ANKRD6: variants seen among roughly 807,000 people sequenced by gnomAD.
ANKRD6 encodes the protein ankyrin repeat domain-containing protein 6.
Under a neutral mutation model 82.3 loss-of-function variants are expected in ANKRD6, and 56 were observed. The ratio of observed to expected loss-of-function variants is 0.68; its 90% confidence interval spans 0.55 to 0.85. The LOEUF is 0.85. Ranked by LOEUF, ANKRD6 falls within the 40% of genes least tolerant of loss-of-function variation. ANKRD6 has a pLI of 0.00. For synonymous variants in ANKRD6, 347 were observed against 352.1 expected, an observed-to-expected ratio of 0.99 and a Z score of 0.16; for missense variants, 852 against 907.6, an observed-to-expected ratio of 0.94 and a Z score of 0.79.
At chr6:89,475,177 G>A (rs1775896453) in intron 1 of ANKRD6, among the ~76,000 whole-genome samples, 1 of 152,092 alleles carries the variant, frequency 6.6e-6, no homozygotes. Flanking sequence ...CACCCAAAAC[G>A]CTCTATGTAA....
Position 89,441,257 on chromosome 6 carries a change from T to G in ANKRD6, c.-144+7882T>G, listed in dbSNP as rs530657818. Among the ~76,000 whole-genome samples, 12 of 152,286 alleles carry G rather than the reference T, an allele frequency of 7.9e-5. No homozygotes were observed. The East Asian group carries it at 2.3e-3, about 29-fold the overall frequency. On this transcript the variant is annotated intron_variant, in intron 1 of 15. Transcript: ENST00000339746. Reference sequence around the variant, plus strand: ...CCTCTGCCTCCCGGGTTCAGGTGATTCTCCTGCCTCAGCCTCCTGAGTAGC... The same window carrying G: ...CCTCTGCCTCCCGGGTTCAGGTGATGCTCCTGCCTCAGCCTCCTGAGTAGC...
In ANKRD6 at chr6:89,628,610, A is replaced by G. The variant is rs544315265; in HGVS notation, c.1486-502A>G. Among the ~76,000 whole-genome samples the G allele has an allele frequency of 1.6e-4, 25 of 152,248 alleles. No homozygotes were observed. In the South Asian group the frequency reaches 5.2e-3, roughly 32 times the overall value. ...TGGTGAAACCCCACCTCTACTAAGGATACAAAAAACTTAGTCAGGCGTGGT... is the reference window on the plus strand; with the variant it reads ...TGGTGAAACCCCACCTCTACTAAGGGTACAAAAAACTTAGTCAGGCGTGGT... On this transcript the variant is annotated intron_variant, in intron 14 of 15. Transcript: ENST00000339746.
chr6:89,597,231 C>T (rs2128158185), intron 3 of ANKRD6, among the ~76,000 whole-genome samples: 1 of 152,300 alleles, frequency 6.6e-6, no homozygotes, highest in Middle Eastern at 3.4e-3. Context: ...GTTGATTTAG[C>T]TTTAAGCCAT....
chr6:89,501,342 A>C (rs914763223), intron 1 of ANKRD6, among the ~76,000 whole-genome samples: 4 of 152,216 alleles, frequency 2.6e-5, no homozygotes, highest in African/African-American at 9.6e-5. Flanking sequence ...CCCTTCCTCA[A>C]GTTGAGCTTG....
chr6:89,520,510 GTCT>G (rs1270086840), intron 1 of ANKRD6, among the ~76,000 whole-genome samples: 1 of 152,210 alleles, frequency 6.6e-6, no homozygotes, highest in Non-Finnish European at 1.5e-5. Flanking sequence ...TATCAAAATG[GTCT>G]TCTTTCAGTA....
intron 1 of ANKRD6, among the ~76,000 whole-genome samples, chr6:89,533,439 C>G (rs187519487): frequency 6.6e-6 from 1 of 152,176 alleles, no homozygotes. Context: ...GGATGCCCCA[C>G]AGTGTCCTCT....
chr6:89,515,684 T>C (rs565938017), intron 1 of ANKRD6, among the ~76,000 whole-genome samples: 1 of 152,142 alleles, frequency 6.6e-6, no homozygotes, highest in East Asian at 1.9e-4. Flanking sequence ...TGAGAGAAGG[T>C]GCTTCTCCTG....
Position 89,623,482 on chromosome 6 carries a change from T to C in ANKRD6, c.970T>C (p.Phe324Leu), listed in dbSNP as rs1397830941. 3 of 1,602,468 alleles carry C rather than the reference T, an allele frequency of 1.9e-6. No individual in the cohort carries two copies. Among genetic ancestry groups the C allele is most frequent in the Non-Finnish European group, 2.6e-6 (3 of 1,174,556 alleles). ...CAGAAAAGAAGAAGCCAGAGAAGAG[T>C]TCCTGTCAGCCTCCCCAGAACCCAG... ...VARKEEAREEFLSASPEPRAK... is the reference protein window; with the variant it reads ...VARKEEAREELLSASPEPRAK... Residue 324 changes from phenylalanine (F) to leucine (L), a missense_variant, in exon 11 of 16, where the codon TTC (phenylalanine) becomes CTC (leucine). Phe to Leu is a conservative substitution (Grantham distance 22). Transcript: ENST00000339746.
chr6:89,606,046 TTCAGCCAG>T lies in ANKRD6; in HGVS notation c.366_373del (p.Ser123AlafsTer4). 2 of 1,596,610 alleles carry T rather than the reference TTCAGCCAG, an allele frequency of 1.3e-6. No individual in the cohort carries two copies. Among genetic ancestry groups the T allele is most frequent in the Non-Finnish European group, 1.7e-6 (2 of 1,171,162 alleles). ...CTTGCATGAAGCATCCTGGCATGGTTTCAGCCAGTCAGCCAAGCTGCTCATTAAAGCAG... is the reference window on the plus strand; with the variant it reads ...CTTGCATGAAGCATCCTGGCATGGTTTCAGCCAAGCTGCTCATTAAAGCAG... On this transcript the variant is annotated frameshift_variant, in exon 5 of 16. Transcript: ENST00000339746. LOFTEE classifies it high-confidence loss of function.
intron 2 of ANKRD6, among the ~76,000 whole-genome samples, chr6:89,593,546 AT>A (rs1360731253): frequency 6.6e-6 from 1 of 152,338 alleles, no homozygotes; most frequent in African/African-American, 2.4e-5. Context: ...TCTTTCCAGA[AT>A]CATTCTAGTG....
chr6:89,600,874 A>G (rs1415312224), intron 3 of ANKRD6, among the ~76,000 whole-genome samples: 1 of 151,940 alleles, frequency 6.6e-6, no homozygotes, highest in East Asian at 1.9e-4. Flanking sequence ...TATGTCTACT[A>G]AAAATATAAA....
chr6:89,625,776 T>TC (rs1805458852), intron 13 of ANKRD6, among the ~76,000 whole-genome samples: 1 of 151,292 alleles, frequency 6.6e-6, no homozygotes, highest in African/African-American at 2.4e-5. Flanking sequence ...TCTGACTCTG[T>TC]CACCTAGAGT....
Position 89,546,551 on chromosome 6 carries a change from C to T in ANKRD6, c.-143-20283C>T, listed in dbSNP as rs140073075. ...TGATCTCGGCTCACTGCAGTCTCCA[C>T]CTCCAAGGTTCAAGCGATTCTTGTG... On this transcript the variant is annotated intron_variant, in intron 1 of 15. Coordinates refer to ENST00000339746, the MANE Select transcript of ANKRD6 (RefSeq NM_001242809.2). 2.2e-3 allele frequency among the ~76,000 whole-genome samples: 334 copies of T among 152,146 alleles called. 2 individuals carry two copies. Among genetic ancestry groups the T allele is most frequent in the Middle Eastern group, 0.01 (3 of 294 alleles).
At chr6:89,586,166 G>A (rs1226684505) in intron 2 of ANKRD6, among the ~76,000 whole-genome samples, 1 of 152,118 alleles carries the variant, frequency 6.6e-6, no homozygotes, top group Admixed American at 6.5e-5. Flanking sequence ...TAATAATACA[G>A]TGTGATCAGG....
chr6:89,488,069 C>T (rs1050055442), intron 1 of ANKRD6, among the ~76,000 whole-genome samples: 2 of 152,168 alleles, frequency 1.3e-5, no homozygotes, highest in African/African-American at 4.8e-5. Flanking sequence ...TTCAGCTTGC[C>T]TGTGCTACCA....
intron 1 of ANKRD6, among the ~76,000 whole-genome samples, chr6:89,434,681 TCCCAAA>T (rs1770404191): frequency 6.6e-6 from 1 of 152,164 alleles, no homozygotes; most frequent in African/African-American, 2.4e-5. Flanking sequence ...TGTCTCAGCC[TCCCAAA>T]GTGTTGGGAT....
intron 1 of ANKRD6, among the ~76,000 whole-genome samples, chr6:89,456,703 A>C (rs1375589707): frequency 2.6e-5 from 4 of 152,206 alleles, no homozygotes; most frequent in African/African-American, 9.6e-5. Context: ...CAAAATAGCT[A>C]GGCTGTTTAC....
chr6:89,570,653 G>T (rs1041853145), intron 2 of ANKRD6, among the ~76,000 whole-genome samples: 4 of 152,128 alleles, frequency 2.6e-5, no homozygotes, highest in African/African-American at 9.7e-5. Context: ...ATACCATATT[G>T]TCCTTTTGTG....
chr6:89,444,896 A>G (rs577576345), intron 1 of ANKRD6, among the ~76,000 whole-genome samples: 28 of 152,230 alleles, frequency 1.8e-4, no homozygotes, highest in African/African-American at 6.5e-4. Flanking sequence ...TGAACCTGGG[A>G]GGCGGAGGTT....
Sources: allele counts gnomAD v4.1 joint callset (sites outside exome capture counted in the v4.1 genomes callset), GRCh38; gene constraint gnomAD v4.1.1; transcripts MANE v1.5; gene names NCBI Gene and HGNC (gene_info 2026-07-23, HGNC 2026-07-21).